The following RORB variants were observed in gnomAD, a reference collection of about 807,000 sequenced individuals.
The protein encoded by RORB is RAR related orphan receptor B, also known as nuclear receptor ROR-beta.
Under a neutral mutation model 59.1 loss-of-function variants are expected in RORB, and 6 were observed. That is an observed-to-expected ratio of 0.10 (90% confidence interval 0.06 to 0.20). RORB has a LOEUF of 0.20. Among genes scored for constraint, RORB ranks in the 10% least tolerant of loss-of-function variants. The pLI, the probability that RORB is intolerant of heterozygous loss-of-function variation, is 1.00. For synonymous variants in RORB, 215 were observed against 204.5 expected, an observed-to-expected ratio of 1.05 and a Z score of -0.44; for missense variants, 320 against 560.5, an observed-to-expected ratio of 0.57 and a Z score of 4.33.
intron 3 of RORB, among the ~76,000 whole-genome samples, chr9:74,640,738 A>T (rs1823789717): frequency 6.6e-6 from 1 of 152,084 alleles, no homozygotes; most frequent in Non-Finnish European, 1.5e-5. Flanking sequence ...CTTCCCCTTA[A>T]TCAGAACTTA....
At chr9:74,527,685 A>G (rs755105708) in intron 1 of RORB, among the ~76,000 whole-genome samples, 10 of 152,020 alleles carry the variant, frequency 6.6e-5, no homozygotes, top group Non-Finnish European at 1.5e-4. Flanking sequence ...TGTTTTGTCA[A>G]AGATTTCCAA....
intron 1 of RORB, among the ~76,000 whole-genome samples, chr9:74,506,263 A>G (rs1266891060): frequency 1.3e-5 from 2 of 152,068 alleles, no homozygotes; most frequent in Non-Finnish European, 2.9e-5. Flanking sequence ...TCCATTCCAC[A>G]TACTTGGATA....
chr9:74,652,524 AT>A (rs1563964778), intron 4 of RORB, among the ~76,000 whole-genome samples: 1 of 151,992 alleles, frequency 6.6e-6, no homozygotes, highest in East Asian at 1.9e-4. Flanking sequence ...CATTAATCTG[AT>A]TTTTTAATTT....
chr9:74,523,994 CA>C lies in RORB; in HGVS notation c.7+26013del, dbSNP rs1826118555. On this transcript the variant is annotated intron_variant, in intron 1 of 9. Transcript: ENST00000376896. ...ATTGCCATGACTTTATTCACTGAATCAACGACACCTTTTTTTTTTTTTTTTT... is the reference window on the plus strand; with the variant it reads ...ATTGCCATGACTTTATTCACTGAATCACGACACCTTTTTTTTTTTTTTTTT... Among the ~76,000 whole-genome samples, 4 of 130,820 alleles carry C rather than the reference CA, an allele frequency of 3.1e-5. No individual in the cohort carries two copies. In the South Asian group the frequency reaches 1.1e-3, roughly 35 times the overall value. 85.8% of individuals were successfully genotyped at this position (130,820 alleles called of 152,430 possible). A position where few individuals can be genotyped will look rare whatever the true frequency, so the allele number is the denominator to read the frequency against.
chr9:74,674,759 A>G (rs1036923357), intron 9 of RORB, among the ~76,000 whole-genome samples: 14 of 151,434 alleles, frequency 9.2e-5, no homozygotes, highest in Middle Eastern at 3.5e-3. Context: ...TGGTTAGGGG[A>G]AAAAAAAACC....
At chr9:74,658,980 G>T (rs2118506547) in intron 4 of RORB, among the ~76,000 whole-genome samples, 1 of 152,258 alleles carries the variant, frequency 6.6e-6, no homozygotes, top group East Asian at 1.9e-4. Flanking sequence ...ATTTTATTTT[G>T]ATTGAAAAAC....
intron 1 of RORB, among the ~76,000 whole-genome samples, chr9:74,514,279 A>G (rs892946876): frequency 6.6e-6 from 1 of 152,082 alleles, no homozygotes. Flanking sequence ...AGTACATTCC[A>G]CTAGACCACA....
intron 1 of RORB, among the ~76,000 whole-genome samples, chr9:74,591,338 T>C (rs1471420996): frequency 3.9e-5 from 6 of 152,220 alleles, no homozygotes; most frequent in African/African-American, 1.4e-4. Context: ...CTTTCCACTG[T>C]GTGAATCAGT....
chr9:74,578,407 G>A (rs1014849082), intron 1 of RORB, among the ~76,000 whole-genome samples: 3 of 152,080 alleles, frequency 2.0e-5, no homozygotes, highest in Non-Finnish European at 4.4e-5. Context: ...ACATTATTTG[G>A]TTGAGTAAAG....
At chr9:74,599,787 A>G (rs1252046291) in intron 1 of RORB, among the ~76,000 whole-genome samples, 1 of 152,144 alleles carries the variant, frequency 6.6e-6, no homozygotes, top group Non-Finnish European at 1.5e-5. Context: ...TACTTGCCCC[A>G]TACCTGGCCT....
intron 1 of RORB, chr9:74,630,057 T>C (rs961553825): frequency 1.7e-5 from 3 of 178,268 alleles, no homozygotes; most frequent in African/African-American, 4.8e-5. Flanking sequence ...TGTATTTTTT[T>C]AGTTTGAGAA....
intron 1 of RORB, among the ~76,000 whole-genome samples, chr9:74,541,993 G>A (rs551989248): frequency 9.9e-5 from 15 of 152,116 alleles, no homozygotes; most frequent in African/African-American, 3.6e-4. Context: ...GTGGGCGAGA[G>A]GGAGCCCAAT....
chr9:74,503,227 T>C (rs1825825420), intron 1 of RORB, among the ~76,000 whole-genome samples: 1 of 152,054 alleles, frequency 6.6e-6, no homozygotes, highest in South Asian at 2.1e-4. Flanking sequence ...ATTCCTGTAA[T>C]TTTGTAATCA....
intron 1 of RORB, among the ~76,000 whole-genome samples, chr9:74,547,084 ACT>A (rs941484771): frequency 1.3e-5 from 2 of 151,966 alleles, no homozygotes; most frequent in African/African-American, 4.8e-5. Flanking sequence ...ACAGAGAGAG[ACT>A]CCATCTCAAA....
At chr9:74,660,992 A>C (rs1824171529) in intron 5 of RORB, among the ~76,000 whole-genome samples, 1 of 152,094 alleles carries the variant, frequency 6.6e-6, no homozygotes, top group Admixed American at 6.6e-5. Context: ...TGATTGAAAA[A>C]CCACGGCCCT....
intron 1 of RORB, among the ~76,000 whole-genome samples, chr9:74,530,821 C>T (rs1741409326): frequency 1.3e-5 from 2 of 151,796 alleles, no homozygotes; most frequent in Admixed American, 6.6e-5. Context: ...TGTGCTGCAC[C>T]CATTAACTCG....
chr9:74,511,912 C>G (rs564663275), intron 1 of RORB, among the ~76,000 whole-genome samples: 1 of 151,334 alleles, frequency 6.6e-6, no homozygotes, highest in Admixed American at 6.6e-5. Flanking sequence ...ACTCACAAGA[C>G]CTTAGAGTCT....
rs934112383 is a variant in RORB at position 74,669,237 on chromosome 9, G to A, written c.1111+1336G>A. The stretch of plus-strand genomic sequence containing the variant: ...CTCACGCCTGTAATCCCAACACTTC[G>A]GGAGGCCGAGGCCAGCGGATCACCT... On this transcript the variant is annotated intron_variant, in intron 8 of 9. Coordinates refer to ENST00000376896, the MANE Select transcript of RORB (RefSeq NM_006914.4). 3.3e-5 allele frequency among the ~76,000 whole-genome samples: 5 copies of A among 152,246 alleles called. No individual in the cohort carries two copies. The East Asian group carries it at 5.8e-4, about 18-fold the overall frequency.
chr9:74,635,705 C>A (rs1266392966), intron 3 of RORB, among the ~76,000 whole-genome samples: 3 of 152,118 alleles, frequency 2.0e-5, no homozygotes, highest in African/African-American at 7.2e-5. Flanking sequence ...ATAGACAATG[C>A]CCTGACACTT....
Sources: allele counts gnomAD v4.1 joint callset (sites outside exome capture counted in the v4.1 genomes callset), GRCh38; gene constraint gnomAD v4.1.1; transcripts MANE v1.5; gene names NCBI Gene and HGNC (gene_info 2026-07-23, HGNC 2026-07-21).